Variants in POU6F2 observed in about 807,000 individuals in gnomAD.
The protein encoded by POU6F2 is POU class 6 homeobox 2, also known as POU domain, class 6, transcription factor 2.
POU6F2 carries 31 observed loss-of-function variants against 71.3 expected under a neutral mutation model. That is an observed-to-expected ratio of 0.43 (90% CI 0.33 to 0.59). The LOEUF is 0.59. POU6F2 is among the 20% of genes least tolerant of loss of function. The pLI, the probability that POU6F2 is intolerant of heterozygous loss-of-function variation, is 0.04. For synonymous variants in POU6F2, 347 were observed against 355.7 expected (o/e 0.98, Z 0.27); for missense variants, 783 against 856.8 (o/e 0.91, Z 1.07).
intron 5 of POU6F2, among the ~76,000 whole-genome samples, chr7:39,388,124 T>C (rs1179086382): frequency 6.6e-6 from 1 of 152,204 alleles, no homozygotes; most frequent in East Asian, 1.9e-4. Context: ...GAAAGCAGAA[T>C]TGACCATGTA....
chr7:39,237,097 T>A (rs1794688453), intron 4 of POU6F2, among the ~76,000 whole-genome samples: 1 of 152,132 alleles, frequency 6.6e-6, no homozygotes, highest in Admixed American at 6.5e-5. Context: ...TTTTCCTCCT[T>A]TTGCCTTGAG....
At chr7:39,304,343 C>T (rs1436858692) in intron 4 of POU6F2, among the ~76,000 whole-genome samples, 1 of 152,094 alleles carries the variant, frequency 6.6e-6, no homozygotes, top group African/African-American at 2.4e-5. Flanking sequence ...GAATTCGAAT[C>T]GACATATCTT....
intron 2 of POU6F2, among the ~76,000 whole-genome samples, chr7:39,104,518 G>A (rs1791636644): frequency 6.6e-6 from 1 of 152,184 alleles, no homozygotes; most frequent in South Asian, 2.1e-4. Context: ...ACAATATGGT[G>A]GCTGGGTTCC....
chr7:39,025,947 A>T (rs1375016965), intron 1 of POU6F2, among the ~76,000 whole-genome samples: 6 of 152,366 alleles, frequency 3.9e-5, no homozygotes, highest in Middle Eastern at 3.4e-3. Context: ...AAGGATATGA[A>T]CAGACACTTC....
intron 1 of POU6F2, among the ~76,000 whole-genome samples, chr7:39,068,966 C>T (rs968572002): frequency 1.3e-5 from 2 of 152,100 alleles, no homozygotes; most frequent in African/African-American, 4.8e-5. Flanking sequence ...TATTTAACCC[C>T]CTGACTCCCC....
At chr7:39,311,512 C>T (rs1180037024) in intron 4 of POU6F2, among the ~76,000 whole-genome samples, 1 of 152,214 alleles carries the variant, frequency 6.6e-6, no homozygotes, top group African/African-American at 2.4e-5. Flanking sequence ...CTGTTTTTAT[C>T]GCTGATTTGT....
At chr7:39,032,209 T>A (rs62442162) in intron 1 of POU6F2, among the ~76,000 whole-genome samples, 25,475 of 152,154 alleles carry the variant, frequency 0.17, 2,534 homozygotes, top group Non-Finnish European at 0.23. Context: ...TTTCTTAGGA[T>A]TCTTAACATT....
intron 4 of POU6F2, among the ~76,000 whole-genome samples, chr7:39,217,846 A>G (rs1332457565): frequency 1.3e-5 from 2 of 152,188 alleles, no homozygotes; most frequent in African/African-American, 4.8e-5. Flanking sequence ...AGCGGGTGTC[A>G]CTGAGGCACT....
intron 2 of POU6F2, among the ~76,000 whole-genome samples, chr7:39,197,489 G>T (rs2128744396): frequency 6.6e-6 from 1 of 152,338 alleles, no homozygotes; most frequent in Middle Eastern, 3.4e-3. Context: ...GTTGAGCAAG[G>T]ACGAAGCAAG....
intron 2 of POU6F2, among the ~76,000 whole-genome samples, chr7:39,178,189 G>A (rs1793368186): frequency 1.3e-5 from 2 of 152,132 alleles, no homozygotes; most frequent in African/African-American, 4.8e-5. Flanking sequence ...AGGTGGCAGA[G>A]GTTGCAGTGA....
At chr7:39,446,677 G>C (rs1167099135) in intron 7 of POU6F2, among the ~76,000 whole-genome samples, 2 of 152,188 alleles carry the variant, frequency 1.3e-5, no homozygotes, top group Non-Finnish European at 1.5e-5. Context: ...GCAAGCCTGT[G>C]AGAGCCAGTA....
intron 1 of POU6F2, among the ~76,000 whole-genome samples, chr7:39,057,415 TA>T (rs1790553536): frequency 6.6e-6 from 1 of 152,170 alleles, no homozygotes; most frequent in Admixed American, 6.5e-5. Flanking sequence ...AATCTTTTTC[TA>T]TTTCTTTTTA....
At chr7:39,430,872 G>A (rs905774981) in intron 6 of POU6F2, among the ~76,000 whole-genome samples, 5 of 152,200 alleles carry the variant, frequency 3.3e-5, no homozygotes, top group Non-Finnish European at 7.3e-5. Flanking sequence ...ACTGGGGAAG[G>A]CCAGAGTGGA....
intron 1 of POU6F2, among the ~76,000 whole-genome samples, chr7:39,060,158 A>C (rs750149084): frequency 6.6e-6 from 1 of 152,112 alleles, no homozygotes; most frequent in Non-Finnish European, 1.5e-5. Flanking sequence ...CAATGAGCCA[A>C]GATTGTGCCA....
chr7:39,234,394 A>G (rs1794634267), intron 4 of POU6F2, among the ~76,000 whole-genome samples: 1 of 152,042 alleles, frequency 6.6e-6, no homozygotes. Context: ...GCCTCCTGGT[A>G]TTGTGCAGTG....
chr7:39,296,860 G>A (rs1784855545), intron 4 of POU6F2, among the ~76,000 whole-genome samples: 1 of 152,176 alleles, frequency 6.6e-6, no homozygotes, highest in African/African-American at 2.4e-5. Context: ...CTCATTGAAT[G>A]CATGAATGAA....
chr7:39,324,133 G>A (rs890962246), intron 4 of POU6F2, among the ~76,000 whole-genome samples: 1 of 150,912 alleles, frequency 6.6e-6, no homozygotes, highest in Non-Finnish European at 1.5e-5. Context: ...AAAAAAAAAG[G>A]CTCTTGCAGT....
intron 1 of POU6F2, among the ~76,000 whole-genome samples, chr7:38,996,509 C>T (rs997034713): frequency 2.0e-5 from 3 of 152,146 alleles, no homozygotes; most frequent in African/African-American, 7.2e-5. Context: ...GTAACTCCAA[C>T]TATTATTTCT....
intron 7 of POU6F2, among the ~76,000 whole-genome samples, chr7:39,447,845 T>C (rs1188874335): frequency 6.6e-6 from 1 of 152,204 alleles, no homozygotes; most frequent in Non-Finnish European, 1.5e-5. Flanking sequence ...CTTTTGCCAA[T>C]AGTTATGCAA....
Sources: gnomAD v4.1 joint callset for allele counts (sites outside exome capture counted in the v4.1 genomes callset) on GRCh38, gnomAD v4.1.1 for gene constraint, MANE v1.5 for transcripts, NCBI Gene and HGNC (gene_info 2026-07-23, HGNC 2026-07-21) for gene names.